The following MED26 variants were observed in gnomAD, a reference collection of about 807,000 sequenced individuals.
The protein encoded by MED26 is mediator complex subunit 26.
In MED26, 7 loss-of-function variants were observed where a neutral mutation model predicts 43.7. The observed-to-expected ratio is 0.16, with a 90% CI of 0.09 to 0.30. MED26 has a LOEUF of 0.30. Ranked by LOEUF, MED26 falls within the 10% of genes least tolerant of loss-of-function variation. MED26 has a pLI of 1.00. For missense variants in MED26, 784 were observed against 840.6 expected (o/e 0.93, Z 0.83); for synonymous variants, 375 against 371.1 (o/e 1.01, Z -0.12).
chr19:16,589,482 A>G (rs1179279983), intron 1 of MED26: 1 of 152,224 alleles, frequency 6.6e-6, no homozygotes, highest in African/African-American at 2.4e-5. Flanking sequence ...CTCAAAGACA[A>G]ATCTCAAAAC....
At chr19:16,605,960 T>C (rs939436035) in intron 1 of MED26, among the ~76,000 whole-genome samples, 1 of 152,252 alleles carries the variant, frequency 6.6e-6, no homozygotes, top group Non-Finnish European at 1.5e-5. Context: ...TATTCGTGCA[T>C]GGCAAATCTG....
chr19:16,599,834 G>T (rs926657128), intron 1 of MED26, among the ~76,000 whole-genome samples: 34 of 152,330 alleles, frequency 2.2e-4, no homozygotes, highest in Admixed American at 1.6e-3. Flanking sequence ...CTGTACAGGG[G>T]ACTGTGCCAT....
chr19:16,607,227 C>T (rs1019433377), intron 1 of MED26, among the ~76,000 whole-genome samples: 4 of 151,614 alleles, frequency 2.6e-5, no homozygotes, highest in Admixed American at 2.0e-4. Flanking sequence ...AAAAGTTAGC[C>T]GGGTGTGGTG....
In MED26 at chr19:16,575,261, AAGGG is replaced by A. The variant is rs1272289982; in HGVS notation, c.*762_*765del. The A allele has an allele frequency of 6.5e-6, 1 of 152,690 alleles. No homozygotes were observed. The highest frequency in any genetic ancestry group is 1.5e-5 in the Non-Finnish European group (1 of 68,046). 9.5% of individuals were successfully genotyped at this position (152,690 alleles called of 1,614,324 possible). ...ATGTGTACAGGAAGGGAAAAAAGAA[AAGGG>A]AGGAAGAAAGGAAAGGTTTTTTTGT... On this transcript the variant is annotated 3_prime_UTR_variant, in exon 3 of 3. Transcript: ENST00000263390.
At chr19:16,598,937 C>T (rs2086135540) in intron 1 of MED26, among the ~76,000 whole-genome samples, 1 of 152,186 alleles carries the variant, frequency 6.6e-6, no homozygotes, top group African/African-American at 2.4e-5. Flanking sequence ...ACACAGTACA[C>T]ATACTGGGGA....
At chr19:16,603,567 A>T (rs984896840) in intron 1 of MED26, among the ~76,000 whole-genome samples, 2 of 152,092 alleles carry the variant, frequency 1.3e-5, no homozygotes, top group African/African-American at 4.8e-5. Context: ...TGCAGGAGCT[A>T]TGGGAAGATC....
In MED26 at chr19:16,577,124, C is replaced by T; in HGVS notation, c.706G>A (p.Gly236Ser). 1.2e-6 allele frequency: 2 copies of T among 1,613,208 alleles called. No individual in the cohort carries two copies. The highest frequency in any genetic ancestry group is 1.7e-6 in the Non-Finnish European group (2 of 1,179,858). Residue 236 changes from glycine (G) to serine (S), a missense_variant, in exon 3 of 3, where the codon GGC (glycine) becomes AGC (serine). Physicochemically the swap from Gly to Ser is moderately conservative, Grantham distance 56. Transcript: ENST00000263390. This position sits in a 1 kb window ranked among gnomAD's most constrained non-coding sequence, Gnocchi z 8.1. ...TGCAAGCAGGGTCCAGGGGGCTTGC[C>T]CAGGCCCGGGGAGCTGGTGTGCGGT... ...VRPHTSSPGL[G>S]KPPGPCLQPK...
chr19:16,582,324 G>A (rs1218033088), intron 1 of MED26, among the ~76,000 whole-genome samples: 2 of 152,084 alleles, frequency 1.3e-5, no homozygotes, highest in Non-Finnish European at 2.9e-5. Context: ...CCAGGCCCAG[G>A]AGGCAGACAC....
At chr19:16,590,969 G>A (rs1198177896) in intron 1 of MED26, among the ~76,000 whole-genome samples, 1 of 151,978 alleles carries the variant, frequency 6.6e-6, no homozygotes, top group Non-Finnish European at 1.5e-5. Context: ...GAACCCGGGA[G>A]GTGGAGGTTG....
intron 1 of MED26, among the ~76,000 whole-genome samples, chr19:16,579,659 C>T (rs1325161588): frequency 6.6e-6 from 1 of 152,180 alleles, no homozygotes; most frequent in African/African-American, 2.4e-5. Context: ...GGTGGGAGCC[C>T]AGGGGCCCTG....
intron 1 of MED26, among the ~76,000 whole-genome samples, chr19:16,601,449 C>T (rs975946755): frequency 2.6e-5 from 4 of 152,202 alleles, no homozygotes; most frequent in African/African-American, 7.2e-5. Flanking sequence ...GCCACCGCGC[C>T]CGGCCTAAGT....
chr19:16,594,584 G>C (rs1278794976), intron 1 of MED26, among the ~76,000 whole-genome samples: 1 of 152,210 alleles, frequency 6.6e-6, no homozygotes, highest in Non-Finnish European at 1.5e-5. Flanking sequence ...CACTGAAGTG[G>C]CCTGCAGAGG....
Position 16,576,185 on chromosome 19 carries a change from G to T in MED26, c.1645C>A (p.Gln549Lys). Residue 549 changes from glutamine to lysine, a missense_variant, in exon 3 of 3, where the codon CAG becomes AAG. Physicochemically the swap from Gln to Lys is moderately conservative, Grantham distance 53. Coordinates refer to ENST00000263390, the MANE Select transcript of MED26 (RefSeq NM_004831.5). This position sits in a 1 kb window ranked among gnomAD's most constrained non-coding sequence, Gnocchi z 6.8. ...GCCTGGATTCTGTCGAGATCGTCCT[G>T]TGTGACCTCCCGGGTCAGACCAGGG... ...DLPGLTREVTQDDLDRIQASQ... is the reference protein window; with the variant it reads ...DLPGLTREVTKDDLDRIQASQ... The T allele has an allele frequency of 6.2e-7, 1 of 1,613,158 alleles. No homozygotes were observed.
At chr19:16,578,288 C>T (rs1329353774) in intron 2 of MED26, 47 bp downstream of exon 2, 13 of 1,566,702 alleles carry the variant, frequency 8.3e-6, no homozygotes, top group Non-Finnish European at 9.7e-6. Context: ...GTACCATCCC[C>T]TGCCCCCCGT....
In MED26 at chr19:16,577,645, T is replaced by C. The variant is rs1252279330; in HGVS notation, c.185A>G (p.Lys62Arg). ...RLGKLINDVR[K>R]KTKNEELAKR... ...GGCGAGCTCCTCGTTCTTGGTTTTC[T>C]TGCGGACGTCGTTGATGAGCTTCCC... The change falls in exon 3 of 3, where the codon AAG becomes AGG. Residue 62 changes from lysine to arginine, a missense_variant. Around this residue, in one of 3 missense-constraint regions of MED26, gnomAD observed 28 missense variants for 79.4 expected, o/e 0.35. Coordinates refer to ENST00000263390, the MANE Select transcript of MED26 (RefSeq NM_004831.5). This position sits in a 1 kb window ranked among gnomAD's most constrained non-coding sequence, Gnocchi z 8.1. 1 of 1,587,052 alleles carries C rather than the reference T, an allele frequency of 6.3e-7. No homozygotes were observed. Among genetic ancestry groups the C allele is most frequent in the Non-Finnish European group, 8.6e-7 (1 of 1,163,332 alleles).
chr19:16,602,290 T>G (rs921151870), intron 1 of MED26, among the ~76,000 whole-genome samples: 1 of 152,220 alleles, frequency 6.6e-6, no homozygotes, highest in Non-Finnish European at 1.5e-5. Flanking sequence ...GGCATTTCAT[T>G]CCTTCTCACA....
At chr19:16,623,322 T>C (rs1423764349) in intron 1 of MED26, among the ~76,000 whole-genome samples, 2 of 152,162 alleles carry the variant, frequency 1.3e-5, no homozygotes. Context: ...ATCTGGGCAA[T>C]TGTGGATCAG....
At position 16,576,024 on chromosome 19, in the gene MED26, C is replaced by G. The variant is rs377194243; in HGVS notation, c.*3G>C. On this transcript the variant is annotated 3_prime_UTR_variant, in exon 3 of 3. Transcript: ENST00000263390. This position sits in a 1 kb window ranked among gnomAD's most constrained non-coding sequence, Gnocchi z 6.8. Reference sequence around the variant, plus strand: ...GGAATGCACTTTGTGGCTGACAGGCCGGTCAGTCCAAGCAGACATAAGGCA... The same window carrying G: ...GGAATGCACTTTGTGGCTGACAGGCGGGTCAGTCCAAGCAGACATAAGGCA... The G allele has an allele frequency of 1.8e-5, 29 of 1,602,670 alleles. No homozygotes were observed. The highest frequency in any genetic ancestry group is 1.4e-4 in the South Asian group (13 of 90,768).
intron 1 of MED26, among the ~76,000 whole-genome samples, chr19:16,583,145 C>T (rs2086053831): frequency 6.6e-6 from 1 of 152,260 alleles, no homozygotes. Context: ...TTGCCAGGGC[C>T]ATGTCTGTGG....
Sources: gnomAD v4.1 joint callset for allele counts (sites outside exome capture counted in the v4.1 genomes callset) on GRCh38, gnomAD v4.1.1 for gene constraint, gnomAD v4.1.1 regional missense constraint, Gnocchi (gnomAD v3.1) non-coding constraint, MANE v1.5 for transcripts, NCBI Gene and HGNC (gene_info 2026-07-23, HGNC 2026-07-21) for gene names.